FAM219A: variants seen among roughly 807,000 people sequenced by gnomAD.
FAM219A encodes the protein protein FAM219A.
FAM219A carries 7 observed loss-of-function variants against 23.4 expected under a neutral mutation model. The ratio of observed to expected loss-of-function variants is 0.30; its 90% CI spans 0.17 to 0.56. The LOEUF (loss-of-function observed/expected upper bound fraction) is 0.56. Ranked by LOEUF, FAM219A falls within the 20% of genes least tolerant of loss-of-function variation. The pLI is 0.92. For missense variants in FAM219A, 166 were observed against 246.9 expected (o/e 0.67, Z 2.20); for synonymous variants, 93 against 99.0 (o/e 0.94, Z 0.36).
chr9:34,421,594 C>T (rs1259201308), intron 1 of FAM219A, among the ~76,000 whole-genome samples: 1 of 152,020 alleles, frequency 6.6e-6, no homozygotes, highest in East Asian at 1.9e-4. Context: ...GGAAAGGCCG[C>T]TGAAACAGCA....
intron 1 of FAM219A, chr9:34,406,228 C>T (rs1010580342): frequency 2.1e-6 from 2 of 935,944 alleles, no homozygotes; most frequent in Admixed American, 1.2e-4. Flanking sequence ...GTCCAGCCTC[C>T]TCCAGAAAGC....
At chr9:34,414,724 G>A (rs142294710) in intron 1 of FAM219A, among the ~76,000 whole-genome samples, 53 of 152,274 alleles carry the variant, frequency 3.5e-4, no homozygotes, top group African/African-American at 1.3e-3. Context: ...AGTTTGTGAA[G>A]CCTACATTTA....
At chr9:34,410,138 G>C (rs1821771483) in intron 1 of FAM219A, among the ~76,000 whole-genome samples, 1 of 152,248 alleles carries the variant, frequency 6.6e-6, no homozygotes, top group African/African-American at 2.4e-5. Context: ...TGGAGCTAAA[G>C]ACAGGCCCTC....
chr9:34,406,013 G>A, intron 1 of FAM219A, 49 bp from the exon 2 acceptor site: 1 of 1,536,390 alleles, frequency 6.5e-7, no homozygotes, highest in Non-Finnish European at 8.9e-7. Flanking sequence ...AGTGAAGACA[G>A]GGGGCTGCTC....
chr9:34,436,309 C>A (rs1006973970), intron 1 of FAM219A, among the ~76,000 whole-genome samples: 3 of 151,748 alleles, frequency 2.0e-5, no homozygotes, highest in Admixed American at 2.0e-4. Context: ...GTAGTGGCAA[C>A]CACAGCTCAC....
chr9:34,431,417 C>T (rs1414426519), intron 1 of FAM219A, among the ~76,000 whole-genome samples: 1 of 152,216 alleles, frequency 6.6e-6, no homozygotes, highest in Non-Finnish European at 1.5e-5. Context: ...AGATTCTCCT[C>T]CCTGTCACTG....
In FAM219A at chr9:34,406,213, G is replaced by A. The variant is rs1821631878; in HGVS notation, c.61-249C>T. The A allele has an allele frequency of 3.5e-6, 3 of 862,960 alleles. No homozygotes were observed. The Admixed American group carries it at 1.9e-4, about 54-fold the overall frequency. The allele number at this position is 862,960 out of a possible 1,614,324, so 53.5% of individuals were successfully genotyped here. A position where few individuals can be genotyped will look rare whatever the true frequency, so the allele number is the denominator to read the frequency against. ...ACTTGGTGTCTGTCCTCAAAGTCCT[G>A]TGTGGTCCAGCCTCCTCCAGAAAGC... On this transcript the variant is annotated intron_variant, in intron 1 of 5. Transcript: ENST00000651358.
chr9:34,450,663 G>A (rs912688325), intron 1 of FAM219A, among the ~76,000 whole-genome samples: 10 of 152,112 alleles, frequency 6.6e-5, no homozygotes, highest in Admixed American at 5.9e-4. Flanking sequence ...GTTATCCACC[G>A]CCTCGGCCTC....
intron 1 of FAM219A, among the ~76,000 whole-genome samples, chr9:34,419,506 C>T (rs1043101831): frequency 8.5e-5 from 13 of 152,056 alleles, no homozygotes; most frequent in Non-Finnish European, 1.3e-4. Flanking sequence ...TCCAGTTCTT[C>T]AAGATAAGGG....
intron 1 of FAM219A, chr9:34,406,293 T>C (rs1563998874): frequency 4.1e-6 from 4 of 985,320 alleles, no homozygotes; most frequent in Non-Finnish European, 4.8e-6. Context: ...CCCATACTAG[T>C]AGCCCTTCCC....
intron 1 of FAM219A, among the ~76,000 whole-genome samples, chr9:34,414,493 C>T (rs1045772999): frequency 1.3e-5 from 2 of 152,248 alleles, no homozygotes; most frequent in African/African-American, 2.4e-5. Context: ...CAAACCTGCA[C>T]GTTCTGCACA....
chr9:34,445,457 G>A (rs1386937247), intron 1 of FAM219A, among the ~76,000 whole-genome samples: 1 of 152,228 alleles, frequency 6.6e-6, no homozygotes, highest in Admixed American at 6.5e-5. Context: ...AAGAATGGGA[G>A]TTTATATTGA....
At chr9:34,406,059 GGCTTCTGTGAGCATTCACCCC>G in intron 1 of FAM219A, 95 bp from the exon 2 acceptor site, 1 of 1,276,740 alleles carries the variant, frequency 7.8e-7, no homozygotes, top group Non-Finnish European at 1.1e-6. Context: ...CTGCCCTCTG[GGCTTCTGTGAGCATTCACCCC>G]TCAGAGCAGG....
chr9:34,443,276 A>G (rs1588070286), intron 1 of FAM219A, among the ~76,000 whole-genome samples: 1 of 152,162 alleles, frequency 6.6e-6, no homozygotes, highest in African/African-American at 2.4e-5. Context: ...ACTATCACCA[A>G]TGGTGGGGAT....
intron 1 of FAM219A, among the ~76,000 whole-genome samples, chr9:34,453,680 A>C (rs969086837): frequency 6.6e-6 from 1 of 152,096 alleles, no homozygotes; most frequent in South Asian, 2.1e-4. Flanking sequence ...CTGTGCAGAG[A>C]CCCTATCTGG....
chr9:34,421,755 T>C (rs553374548), intron 1 of FAM219A, among the ~76,000 whole-genome samples: 1 of 151,468 alleles, frequency 6.6e-6, no homozygotes, highest in Non-Finnish European at 1.5e-5. Context: ...ACCTGCACTG[T>C]CTCAACCCTC....
At chr9:34,448,722 G>A (rs898395631) in intron 1 of FAM219A, among the ~76,000 whole-genome samples, 1 of 152,058 alleles carries the variant, frequency 6.6e-6, no homozygotes, top group African/African-American at 2.4e-5. Flanking sequence ...CTGCTTGGCA[G>A]AACATAAAAG....
At chr9:34,406,952 G>A (rs1264158992) in intron 1 of FAM219A, among the ~76,000 whole-genome samples, 5 of 151,878 alleles carry the variant, frequency 3.3e-5, no homozygotes, top group Non-Finnish European at 5.9e-5. Flanking sequence ...ACAGGTACAC[G>A]CCACCAGGCC....
chr9:34,457,122 CCA>C lies in FAM219A; in HGVS notation c.60+1080_60+1081del, dbSNP rs1404496008. The stretch of plus-strand genomic sequence containing the variant: ...AGCACAGCTCAGAGAAATGGGGCAT[CCA>C]CACTTTCGGATTTGTAGCCCACCTT... On this transcript the variant is annotated intron_variant, in intron 1 of 5. Coordinates refer to ENST00000651358, the MANE Select transcript of FAM219A (RefSeq NM_001184940.2). This position sits in a 1 kb window ranked among gnomAD's most constrained non-coding sequence, Gnocchi z 5.1. Among the ~76,000 whole-genome samples the C allele has an allele frequency of 6.6e-6, 1 of 152,222 alleles. No homozygotes were observed. Among genetic ancestry groups the C allele is most frequent in the Non-Finnish European group, 1.5e-5 (1 of 68,038 alleles).
Sources: allele counts gnomAD v4.1 joint callset (sites outside exome capture counted in the v4.1 genomes callset), GRCh38; gene constraint gnomAD v4.1.1; non-coding constraint Gnocchi (gnomAD v3.1); transcripts MANE v1.5; gene names NCBI Gene and HGNC (gene_info 2026-07-23, HGNC 2026-07-21).